ZNF675: variants seen among roughly 807,000 people sequenced by gnomAD.
ZNF675 encodes TRAF6 inhibitory zinc finger.
Under a neutral mutation model 56.1 loss-of-function variants are expected in ZNF675, and 36 were observed. The observed-to-expected ratio is 0.64, with a 90% CI of 0.49 to 0.85. The LOEUF (loss-of-function observed/expected upper bound fraction) is 0.85. Among genes scored for constraint, ZNF675 ranks in the 40% least tolerant of loss-of-function variants. The pLI, the probability that ZNF675 is intolerant of heterozygous loss-of-function variation, is 0.00. For synonymous variants in ZNF675, 200 were observed against 218.9 expected, an observed-to-expected ratio of 0.91 and a Z score of 0.76; for missense variants, 663 against 654.2, an observed-to-expected ratio of 1.01 and a Z score of -0.15.
At chr19:23,672,387 A>G (rs531717534) in intron 1 of ZNF675, among the ~76,000 whole-genome samples, 11 of 152,234 alleles carry the variant, frequency 7.2e-5, no homozygotes, top group African/African-American at 2.4e-4. Flanking sequence ...ATCAGATTCT[A>G]TTTACACCTG....
intron 3 of ZNF675, among the ~76,000 whole-genome samples, chr19:23,660,204 A>G (rs1310946925): frequency 2.0e-5 from 3 of 152,120 alleles, no homozygotes; most frequent in South Asian, 2.1e-4. Flanking sequence ...CCCCCTCTCC[A>G]CTACAAACCC....
chr19:23,663,833 G>A (rs1968114388), intron 1 of ZNF675, among the ~76,000 whole-genome samples: 1 of 152,236 alleles, frequency 6.6e-6, no homozygotes, highest in African/African-American at 2.4e-5. Context: ...GAACACAGAT[G>A]GAGCCTCAAC....
intron 1 of ZNF675, among the ~76,000 whole-genome samples, chr19:23,674,163 A>T (rs747845234): frequency 1.6e-4 from 24 of 151,702 alleles, no homozygotes; most frequent in Non-Finnish European, 2.9e-4. Context: ...AGATCAAGCC[A>T]TTGCACTCCA....
intron 1 of ZNF675, among the ~76,000 whole-genome samples, chr19:23,665,992 AGAAG>A (rs1205358990): frequency 6.6e-6 from 1 of 152,240 alleles, no homozygotes; most frequent in African/African-American, 2.4e-5. Flanking sequence ...CAGAATAAAC[AGAAG>A]GCAGCAACAT....
At chr19:23,661,704 A>G (rs1968081276) in intron 3 of ZNF675, among the ~76,000 whole-genome samples, 1 of 152,278 alleles carries the variant, frequency 6.6e-6, no homozygotes, top group African/African-American at 2.4e-5. Context: ...AAAAAGAAGG[A>G]AAGAAAACAA....
At chr19:23,664,318 G>C (rs1364596206) in intron 1 of ZNF675, among the ~76,000 whole-genome samples, 5 of 152,056 alleles carry the variant, frequency 3.3e-5, no homozygotes, top group Admixed American at 2.6e-4. Flanking sequence ...ATGTTTACCT[G>C]GTACCACCAC....
intron 1 of ZNF675, among the ~76,000 whole-genome samples, chr19:23,663,439 C>A (rs1330949636): frequency 6.6e-6 from 1 of 152,132 alleles, no homozygotes; most frequent in Non-Finnish European, 1.5e-5. Context: ...TGCCTTTAAT[C>A]CCAGCACTTT....
intron 1 of ZNF675, among the ~76,000 whole-genome samples, chr19:23,664,344 G>A (rs928946455): frequency 6.6e-6 from 1 of 152,096 alleles, no homozygotes; most frequent in Non-Finnish European, 1.5e-5. Context: ...CAGGCAGAAG[G>A]ACCAAGACTC....
intron 1 of ZNF675, among the ~76,000 whole-genome samples, chr19:23,665,350 A>AAAAG (rs1242997998): frequency 6.6e-6 from 1 of 150,918 alleles, no homozygotes; most frequent in Non-Finnish European, 1.5e-5. Context: ...CCTCAAAAAA[A>AAAAG]AAAATCAAAC....
At chr19:23,672,279 C>A in intron 1 of ZNF675, among the ~76,000 whole-genome samples, 1 of 149,714 alleles carries the variant, frequency 6.7e-6, no homozygotes. Context: ...TCCAGTATCA[C>A]ATTTTATGGG....
At chr19:23,666,388 T>C (rs564419160) in intron 1 of ZNF675, among the ~76,000 whole-genome samples, 1 of 152,352 alleles carries the variant, frequency 6.6e-6, no homozygotes, top group South Asian at 2.1e-4. Flanking sequence ...GGTTTCTTCC[T>C]GCAACTAATC....
rs377754035 is a variant in ZNF675, at chr19:23,663,801, T to A, written c.4-643A>T. On this transcript the variant is annotated intron_variant, in intron 1 of 3. Coordinates refer to ENST00000359788, the MANE Select transcript of ZNF675 (RefSeq NM_138330.3). Reference sequence around the variant, plus strand: ...AGCTTCTGTGTAATAAATGCTATCTTGTTTAAATAATAGCTAATTGAGAAC... The same window carrying A: ...AGCTTCTGTGTAATAAATGCTATCTAGTTTAAATAATAGCTAATTGAGAAC... Among the ~76,000 whole-genome samples, 10 of 152,352 alleles carry A rather than the reference T, an allele frequency of 6.6e-5. No homozygotes were observed. In the South Asian group the frequency reaches 1.7e-3, roughly 25 times the overall value.
chr19:23,656,604 CAAA>C (rs1389591861), intron 3 of ZNF675: 1 of 120,962 alleles, frequency 8.3e-6, no homozygotes, highest in Non-Finnish European at 1.7e-5. Flanking sequence ...CTCAAAAAAA[CAAA>C]AAAGGTATAC....
chr19:23,682,400 TA>T lies in ZNF675; in HGVS notation c.3+4630del, dbSNP rs1968388467. ...TCCTGTTGCAATACTCCTTTGGAAT[TA>T]AAATTTTTTTTACATAAATCTATAA... On this transcript the variant is annotated intron_variant, in intron 1 of 3. Transcript: ENST00000359788. Among the ~76,000 whole-genome samples the T allele has an allele frequency of 1.3e-5, 2 of 151,894 alleles. 1 individual carries two copies. The highest frequency in any genetic ancestry group is 4.9e-5 in the African/African-American group (2 of 41,172).
In ZNF675 at chr19:23,662,105, C is replaced by T. The variant is rs775280823; in HGVS notation, c.226+9G>A. 1.2e-6 allele frequency: 2 copies of T among 1,607,450 alleles called. No individual in the cohort carries two copies. The highest frequency in any genetic ancestry group is 1.1e-5 in the South Asian group (1 of 90,888). On this transcript the variant is annotated intron_variant, in intron 3 of 3. Transcript: ENST00000359788. Reference sequence around the variant, plus strand: ...GTCACCTGTTGTATTCACTTTCATTCTCACTTACCTGGGGGTTCATTCACC... The same window carrying T: ...GTCACCTGTTGTATTCACTTTCATTTTCACTTACCTGGGGGTTCATTCACC...
Position 23,687,124 on chromosome 19 carries a change from A to G in ZNF675, c.-91T>C. The G allele has an allele frequency of 6.6e-7, 1 of 1,509,666 alleles. No individual in the cohort carries two copies. The highest frequency in any genetic ancestry group is 9.2e-7 in the Non-Finnish European group (1 of 1,088,334). 93.5% of individuals were successfully genotyped at this position (1,509,666 alleles called of 1,614,324 possible). ...CCACAGAGGCTGGACCTCTAGGAGC[A>G]GAGGACACAGAGCAATGAAAGCGAG... On this transcript the variant is annotated 5_prime_UTR_variant, in exon 1 of 4. Transcript: ENST00000359788.
At chr19:23,686,936 T>G in intron 1 of ZNF675, 95 bp downstream of exon 1, 1 of 1,464,908 alleles carries the variant, frequency 6.8e-7, no homozygotes, top group Non-Finnish European at 9.6e-7. Flanking sequence ...ATTGTGGAGC[T>G]GACTGCGGGG....
chr19:23,677,976 ACG>A (rs765445891), intron 1 of ZNF675, among the ~76,000 whole-genome samples: 146,805 of 151,242 alleles, frequency 0.97, 71,532 homozygotes, highest in Middle Eastern at 1. Context: ...CAAAATTAGC[ACG>A]GGGTGGTGGT....
chr19:23,654,571 T>C lies in ZNF675; in HGVS notation c.362A>G (p.Glu121Gly), dbSNP rs535199630. The C allele has an allele frequency of 2.5e-6, 4 of 1,612,332 alleles. No homozygotes were observed. Among genetic ancestry groups the C allele is most frequent in the Non-Finnish European group, 3.4e-6 (4 of 1,179,226 alleles). Residue 121 changes from glutamate to glycine, a missense_variant, in exon 4 of 4, where the codon GAA becomes GGA. Glu to Gly is a moderately conservative substitution (Grantham distance 98, BLOSUM62 -2). This residue lies in a region of ZNF675 where 617 missense variants were observed against 590.5 expected (regional missense o/e 1.04). Transcript: ENST00000359788. ...ATAACCTCCCTTGTGCAACTTACAT[T>C]CATCCACACTTTTACAGCCTTTTAA... The part of the protein sequence containing the change: ...FQLKGCKSVD[E>G]CKLHKGGYNG...
Sources: gnomAD v4.1 joint callset for allele counts (sites outside exome capture counted in the v4.1 genomes callset) on GRCh38, gnomAD v4.1.1 for gene constraint, gnomAD v4.1.1 regional missense constraint, MANE v1.5 for transcripts, NCBI Gene and HGNC (gene_info 2026-07-23, HGNC 2026-07-21) for gene names.